Variants in SLIT1 observed in about 807,000 individuals in gnomAD.
SLIT1 encodes slit homolog 1 protein.
SLIT1 carries 66 observed loss-of-function variants against 186.1 expected under a neutral mutation model. The ratio of observed to expected loss-of-function variants is 0.35; its 90% CI spans 0.29 to 0.44. The LOEUF (loss-of-function observed/expected upper bound fraction) is 0.44. SLIT1 is among the 20% of genes least tolerant of loss of function. The probability of loss-of-function intolerance (pLI) is 1.00; values close to 1 mark genes in which losing one functional copy is unlikely to be tolerated. For missense variants in SLIT1, 1,638 were observed against 2,037.4 expected, an observed-to-expected ratio of 0.80 and a Z score of 3.77; for synonymous variants, 761 against 833.8, an observed-to-expected ratio of 0.91 and a Z score of 1.50.
intron 4 of SLIT1, among the ~76,000 whole-genome samples, chr10:97,112,377 C>T (rs2636782): frequency 0.62 from 95,015 of 152,148 alleles, 30,538 homozygotes; most frequent in Admixed American, 0.7. Flanking sequence ...CTCCCCTTTC[C>T]GCATCCACAG....
chr10:97,076,797 G>A (rs1849049881), intron 4 of SLIT1, among the ~76,000 whole-genome samples: 2 of 152,218 alleles, frequency 1.3e-5, no homozygotes, highest in Non-Finnish European at 2.9e-5. Context: ...GTGTGAATCT[G>A]TTTGTTTCAT....
intron 4 of SLIT1, among the ~76,000 whole-genome samples, chr10:97,150,140 G>A (rs191721391): frequency 8.5e-5 from 13 of 152,276 alleles, no homozygotes; most frequent in Admixed American, 2.0e-4. Context: ...CAGGAAGGAG[G>A]CTCTGGCTGG....
At chr10:97,016,284 G>C (rs1338337866) in intron 28 of SLIT1, among the ~76,000 whole-genome samples, 1 of 152,090 alleles carries the variant, frequency 6.6e-6, no homozygotes, top group African/African-American at 2.4e-5. Context: ...ACTCCAGCCT[G>C]GGTGACAGAG....
intron 4 of SLIT1, among the ~76,000 whole-genome samples, chr10:97,145,010 A>G (rs1849802247): frequency 1.3e-5 from 2 of 152,176 alleles, no homozygotes; most frequent in African/African-American, 4.8e-5. Flanking sequence ...AGAGGACTCA[A>G]TGCCAAGGAA....
chr10:97,087,520 C>T (rs1412455051), intron 4 of SLIT1, among the ~76,000 whole-genome samples: 1 of 152,258 alleles, frequency 6.6e-6, no homozygotes, highest in African/African-American at 2.4e-5. Flanking sequence ...CCTCTGCCAG[C>T]TTCCTGGAGG....
At chr10:97,065,760 A>G in intron 5 of SLIT1, 1 of 449,880 alleles carries the variant, frequency 2.2e-6, no homozygotes, top group Non-Finnish European at 4.1e-6. Flanking sequence ...CACGCTGATA[A>G]CACGCTTCAC....
At chr10:97,017,833 T>C (rs1363133202) in intron 28 of SLIT1, among the ~76,000 whole-genome samples, 1 of 150,092 alleles carries the variant, frequency 6.7e-6, no homozygotes, top group East Asian at 2.0e-4. Flanking sequence ...TTGGGGTGAA[T>C]GGAAATTTTC....
At chr10:97,134,917 A>G (rs1849687903) in intron 4 of SLIT1, among the ~76,000 whole-genome samples, 2 of 152,136 alleles carry the variant, frequency 1.3e-5, no homozygotes, top group African/African-American at 2.4e-5. Context: ...CAAGTCACCA[A>G]ATGAGGGGTC....
At chr10:97,148,134 C>A (rs1849837530) in intron 4 of SLIT1, among the ~76,000 whole-genome samples, 1 of 152,174 alleles carries the variant, frequency 6.6e-6, no homozygotes, top group Admixed American at 6.5e-5. Flanking sequence ...AACCTGCCCT[C>A]AATTCTCCTG....
chr10:97,083,523 T>G (rs1299889842), intron 4 of SLIT1, among the ~76,000 whole-genome samples: 1 of 152,186 alleles, frequency 6.6e-6, no homozygotes, highest in East Asian at 1.9e-4. Context: ...CATTGAGTCA[T>G]CAAGGAAAGG....
intron 1 of SLIT1, among the ~76,000 whole-genome samples, chr10:97,175,540 T>C (rs928934024): frequency 6.6e-6 from 1 of 152,202 alleles, no homozygotes; most frequent in African/African-American, 2.4e-5. Flanking sequence ...CAACACTTGA[T>C]ATTTTCTGTT....
At chr10:97,051,667 G>C (rs1198290977) in intron 13 of SLIT1, among the ~76,000 whole-genome samples, 2 of 152,118 alleles carry the variant, frequency 1.3e-5, no homozygotes, top group South Asian at 2.1e-4. Context: ...AAAAGAATTA[G>C]CCGGGCATGG....
At chr10:97,075,146 G>A (rs768877343) in intron 4 of SLIT1, among the ~76,000 whole-genome samples, 5 of 152,178 alleles carry the variant, frequency 3.3e-5, no homozygotes, top group Non-Finnish European at 7.4e-5. Flanking sequence ...CCTGCAGCCC[G>A]AGTGGTTACC....
intron 4 of SLIT1, among the ~76,000 whole-genome samples, chr10:97,118,646 C>T (rs1849530463): frequency 1.3e-5 from 2 of 152,214 alleles, no homozygotes; most frequent in African/African-American, 2.4e-5. Flanking sequence ...GGAAACATGG[C>T]TCATCTTTCC....
intron 4 of SLIT1, among the ~76,000 whole-genome samples, chr10:97,066,876 A>G (rs1187225877): frequency 6.6e-6 from 1 of 152,190 alleles, no homozygotes; most frequent in East Asian, 1.9e-4. Context: ...GCAAAGGGGC[A>G]TACAACAGAG....
chr10:97,045,793 A>G (rs1241843673), intron 18 of SLIT1, among the ~76,000 whole-genome samples: 1 of 152,248 alleles, frequency 6.6e-6, no homozygotes, highest in Non-Finnish European at 1.5e-5. Context: ...GAGTCCTGTC[A>G]CACATTCATT....
At chr10:97,182,341 C>T (rs1411744919) in intron 1 of SLIT1, among the ~76,000 whole-genome samples, 1 of 152,220 alleles carries the variant, frequency 6.6e-6, no homozygotes, top group Non-Finnish European at 1.5e-5. Context: ...GGACAAAAGG[C>T]AAATGCACAG....
chr10:97,000,921 C>A lies in SLIT1; in HGVS notation c.*191G>T. ...GCCCGCAGCTCAGGCCTCGCCCACCCCCGCTGCCCCCAGCTATGGCGCAAT... is the reference window on the plus strand; with the variant it reads ...GCCCGCAGCTCAGGCCTCGCCCACCACCGCTGCCCCCAGCTATGGCGCAAT... On this transcript the variant is annotated 3_prime_UTR_variant, in exon 37 of 37. Transcript: ENST00000266058. The A allele has an allele frequency of 1.7e-6, 1 of 595,660 alleles. No homozygotes were observed. The highest frequency in any genetic ancestry group is 3.0e-6 in the Non-Finnish European group (1 of 335,014). The allele number at this position is 595,660 out of a possible 1,614,324, so 36.9% of individuals were successfully genotyped here.
rs889722266 is a variant in SLIT1, at chr10:97,056,188, C to T, written c.1301+133G>A. ...AGGACGGTCTAACCCAGGTCTGTGT[C>T]CTTCCTCTGTAAGAGGCCACCCCCA... On this transcript the variant is annotated intron_variant, in intron 13 of 36. Coordinates refer to ENST00000266058, the MANE Select transcript of SLIT1 (RefSeq NM_003061.3). 2.2e-5 allele frequency: 21 copies of T among 937,166 alleles called. No homozygotes were observed. In the African/African-American group the frequency reaches 3.3e-4, roughly 15 times the overall value. 58.1% of individuals were successfully genotyped at this position (937,166 alleles called of 1,614,324 possible). A position where few individuals can be genotyped will look rare whatever the true frequency, so the allele number is the denominator to read the frequency against.
Sources: gnomAD v4.1 joint callset for allele counts (sites outside exome capture counted in the v4.1 genomes callset) on GRCh38, gnomAD v4.1.1 for gene constraint, MANE v1.5 for transcripts, NCBI Gene and HGNC (gene_info 2026-07-23, HGNC 2026-07-21) for gene names.